DST: variants seen among roughly 807,000 people sequenced by gnomAD.
DST encodes the protein dystonin, also known as bullous pemphigoid antigen.
A neutral mutation model predicts 875.2 loss-of-function variants in DST; 253 were observed. The observed-to-expected ratio is 0.29, with a 90% confidence interval of 0.26 to 0.32. DST has a LOEUF of 0.32. DST is among the 10% of genes least tolerant of loss of function. The pLI, the probability that DST is intolerant of heterozygous loss-of-function variation, is 1.00. For missense variants in DST, 8,287 were observed against 9,111.6 expected (o/e 0.91, Z 3.68); for synonymous variants, 3,124 against 3,197.1 (o/e 0.98, Z 0.77).
chr6:56,550,321 A>G (rs1367662727), intron 61 of DST, among the ~76,000 whole-genome samples: 1 of 152,210 alleles, frequency 6.6e-6, no homozygotes, highest in Non-Finnish European at 1.5e-5. Context: ...AATAAAATCA[A>G]TCAACTCTTT....
At chr6:56,928,797 A>G (rs751604366) in intron 2 of DST, among the ~76,000 whole-genome samples, 1 of 152,160 alleles carries the variant, frequency 6.6e-6, no homozygotes, top group Non-Finnish European at 1.5e-5. Flanking sequence ...AACGGAAGAC[A>G]TAATGTAAAA....
At chr6:56,695,186 T>TC (rs1224682184) in intron 9 of DST, among the ~76,000 whole-genome samples, 1 of 142,676 alleles carries the variant, frequency 7.0e-6, no homozygotes, top group Non-Finnish European at 1.5e-5. Flanking sequence ...CTCCTACCCC[T>TC]CCTCCTCCTT....
chr6:56,605,593 C>T lies in DST; in HGVS notation c.9035G>A (p.Ser3012Asn), dbSNP rs373534003. ...PDLIGKPAEESHLSLIASVTD... is the reference protein window; with the variant it reads ...PDLIGKPAEENHLSLIASVTD... ...TACAGAGGCTATCAATGACAAATGG[C>T]TTTCCTCAGCAGGTTTTCCTATTAA... is the stretch of plus-strand genomic sequence containing the variant. Residue 3012 changes from serine to asparagine, a missense_variant, in exon 40 of 104, where the codon AGC becomes AAC. Ser to Asn is a conservative substitution (Grantham distance 46). Coordinates refer to ENST00000680361, the MANE Select transcript of DST (RefSeq NM_001374736.1). 10 of 1,612,958 alleles carry T rather than the reference C, an allele frequency of 6.2e-6. No individual in the cohort carries two copies. The African/African-American group carries it at 6.7e-5, about 11-fold the overall frequency.
At chr6:56,527,257 T>C (rs1030231041) in intron 68 of DST, among the ~76,000 whole-genome samples, 12 of 152,094 alleles carry the variant, frequency 7.9e-5, no homozygotes, top group African/African-American at 2.9e-4. Context: ...GTCCCTTGGG[T>C]AATAAACTAT....
chr6:56,843,618 T>C (rs1406640292), intron 4 of DST: 1 of 983,924 alleles, frequency 1.0e-6, no homozygotes, highest in Non-Finnish European at 1.2e-6. Context: ...GCGCGCTGCC[T>C]TCACCGGGGA....
At chr6:56,497,051 TACACC>T (rs2095936708) in intron 82 of DST, among the ~76,000 whole-genome samples, 3 of 152,086 alleles carry the variant, frequency 2.0e-5, no homozygotes, top group Admixed American at 2.0e-4. Context: ...CATTAGGAGA[TACACC>T]TAATGCTAAA....
intron 49 of DST, 146 bp downstream of exon 49, chr6:56,592,036 T>C (rs895019481): frequency 3.6e-6 from 2 of 553,994 alleles, no homozygotes; most frequent in African/African-American, 2.2e-5. Flanking sequence ...TGTGGAGAAA[T>C]AGAGTCAAAA....
chr6:56,890,072 A>G (rs1786626326), intron 3 of DST, among the ~76,000 whole-genome samples: 1 of 152,026 alleles, frequency 6.6e-6, no homozygotes, highest in Non-Finnish European at 1.5e-5. Flanking sequence ...GTCTAGCACT[A>G]GAATTGTAAT....
At chr6:56,573,610 T>C in intron 51 of DST, 69 bp downstream of exon 51, 1 of 1,169,956 alleles carries the variant, frequency 8.5e-7, no homozygotes, top group Non-Finnish European at 1.3e-6. Context: ...TAAATCTAAC[T>C]ACACTTTGAG....
At chr6:56,652,185 C>A (rs1028840520) in intron 10 of DST, among the ~76,000 whole-genome samples, 17 of 152,204 alleles carry the variant, frequency 1.1e-4, no homozygotes, top group Admixed American at 1.1e-3. Flanking sequence ...CTAAACCATG[C>A]AGAAACTTTG....
At chr6:56,620,567 C>T (rs765255873) in intron 36 of DST, 11 of 1,613,978 alleles carry the variant, frequency 6.8e-6, no homozygotes, top group East Asian at 2.2e-5. Flanking sequence ...TTCCTCTACT[C>T]GGGACTTTTG....
At chr6:56,852,022 T>C (rs1359773898) in intron 3 of DST, 3 of 1,432,254 alleles carry the variant, frequency 2.1e-6, no homozygotes, top group Non-Finnish European at 2.7e-6. Flanking sequence ...AATTCATCAA[T>C]GCAACTAACT....
At chr6:56,461,862 A>C (rs185049278) in intron 102 of DST, 1 of 152,358 alleles carries the variant, frequency 6.6e-6, no homozygotes, top group East Asian at 1.9e-4. Flanking sequence ...GTTGGTGGGA[A>C]GGGGTGGAAA....
chr6:56,692,793 C>T lies in DST; in HGVS notation c.1047+6860G>A, dbSNP rs937026160. 62 of 1,289,856 alleles carry T rather than the reference C, an allele frequency of 4.8e-5. No individual in the cohort carries two copies. In the African/African-American group the frequency reaches 8.3e-4, roughly 17 times the overall value. The allele number at this position is 1,289,856 out of a possible 1,614,324, so 79.9% of individuals were successfully genotyped here. A position where few individuals can be genotyped will look rare whatever the true frequency, so the allele number is the denominator to read the frequency against. ...CAGGAGAAGTGTTCACACAGTCAGA[C>T]CAACTGCTTACAGCACTCGGCAGAA... On this transcript the variant is annotated intron_variant, in intron 9 of 103. Transcript: ENST00000680361.
At chr6:56,711,415 G>C (rs766722319) in intron 5 of DST, among the ~76,000 whole-genome samples, 27 of 152,016 alleles carry the variant, frequency 1.8e-4, no homozygotes, top group Non-Finnish European at 3.2e-4. Flanking sequence ...TTCTGGTTTG[G>C]TTTGAGTTTA....
chr6:56,718,555 G>A (rs191124632), intron 5 of DST, among the ~76,000 whole-genome samples: 1 of 152,250 alleles, frequency 6.6e-6, no homozygotes, highest in East Asian at 1.9e-4. Flanking sequence ...CCATTTCTAG[G>A]GAAATGTGCA....
intron 2 of DST, among the ~76,000 whole-genome samples, chr6:56,919,331 A>C (rs1802888466): frequency 6.6e-6 from 1 of 152,140 alleles, no homozygotes; most frequent in Non-Finnish European, 1.5e-5. Context: ...GTACACTTAT[A>C]ATCCATCTGG....
intron 3 of DST, among the ~76,000 whole-genome samples, chr6:56,872,834 T>C (rs1326011716): frequency 1.7e-4 from 20 of 119,174 alleles, no homozygotes; most frequent in Non-Finnish European, 2.7e-4. Flanking sequence ...CCCCCCCCCT[T>C]TTTTTTTTTT....
rs770585780 is a variant in DST at position 56,497,359 on chromosome 6, G to C, written c.20223+20C>G. 6.8e-6 allele frequency: 11 copies of C among 1,609,452 alleles called. No homozygotes were observed. In the Admixed American group the frequency reaches 1.2e-4, roughly 17 times the overall value. ...AGTTTGTTATTCTGAGGCTAAAGCT[G>C]TAGGAAATACTTTGCTTACCATATG... On this transcript the variant is annotated intron_variant, in intron 82 of 103. Transcript: ENST00000680361.
Sources: allele counts gnomAD v4.1 joint callset (sites outside exome capture counted in the v4.1 genomes callset), GRCh38; gene constraint gnomAD v4.1.1; transcripts MANE v1.5; gene names NCBI Gene and HGNC (gene_info 2026-07-23, HGNC 2026-07-21).